The following SPTBN5 variants were observed in gnomAD, a reference collection of about 807,000 sequenced individuals.
The protein encoded by SPTBN5 is spectrin beta, non-erythrocytic 5, also known as spectrin beta chain, non-erythrocytic 5.
In SPTBN5, 513 loss-of-function variants were observed where a neutral mutation model predicts 477.6. The observed-to-expected ratio is 1.07, with a 90% CI of 1.00 to 1.16. SPTBN5 has a LOEUF of 1.16. SPTBN5 is among the 50% of genes most tolerant of loss of function. The pLI is 0.00. For missense variants in SPTBN5, 5,062 were observed against 4,731.8 expected, an observed-to-expected ratio of 1.07 and a Z score of -2.05; for synonymous variants, 2,169 against 2,011.7, an observed-to-expected ratio of 1.08 and a Z score of -2.09.
chr15:41,848,534 G>T lies in SPTBN5; in HGVS notation c.*82C>A. 1.3e-6 allele frequency: 2 copies of T among 1,544,334 alleles called. No individual in the cohort carries two copies. The highest frequency in any genetic ancestry group is 1.8e-6 in the Non-Finnish European group (2 of 1,116,580). ...AGCAGCCACGGGAAGGAGCCCTTTT[G>T]CCTGTAGCTGAGTCTTATTCTGGTC... On this transcript the variant is annotated 3_prime_UTR_variant, in exon 68 of 68. Transcript: ENST00000320955.
intron 20 of SPTBN5, 88 bp downstream of exon 20, chr15:41,876,460 A>G (rs1424698806): frequency 1.5e-6 from 2 of 1,375,370 alleles, no homozygotes; most frequent in Non-Finnish European, 2.0e-6. Flanking sequence ...GCGCGTGAGG[A>G]AAGTGCTCTG....
At position 41,857,361 on chromosome 15, in the gene SPTBN5, T is replaced by G. The variant is rs1286589787; in HGVS notation, c.8498A>C (p.Glu2833Ala). 1 of 1,574,842 alleles carries G rather than the reference T, an allele frequency of 6.3e-7. No homozygotes were observed. Among genetic ancestry groups the G allele is most frequent in the Admixed American group, 1.8e-5 (1 of 54,480 alleles). The change falls in exon 51 of 68, where the codon GAG (glutamate) becomes GCG (alanine). Residue 2833 changes from glutamate to alanine, a missense_variant. By Grantham distance (107) the Glu-to-Ala change is moderately radical. Transcript: ENST00000320955. ...GELLGTQREL[E>A]AAVDKKARQA... ...CCTGGCCTTCTTGTCCACTGCTGCC[T>G]CCAGCTCCCTCTGTGTGCCCAGGAG... is the stretch of plus-strand genomic sequence containing the variant.
At chr15:41,885,265 C>A (rs1256408255) in intron 7 of SPTBN5, among the ~76,000 whole-genome samples, 2 of 152,224 alleles carry the variant, frequency 1.3e-5, no homozygotes, top group Non-Finnish European at 1.5e-5. Context: ...CTCAGGTCAT[C>A]CGCCTGCTAC....
At chr15:41,849,562 C>T (rs998680476) in intron 67 of SPTBN5, among the ~76,000 whole-genome samples, 1 of 152,168 alleles carries the variant, frequency 6.6e-6, no homozygotes, top group Non-Finnish European at 1.5e-5. Context: ...CCTGGCTGCT[C>T]CTCCCACAAG....
intron 66 of SPTBN5, 33 bp from the exon 67 acceptor site, chr15:41,849,992 G>T (rs571831407): frequency 2.6e-6 from 4 of 1,533,110 alleles, no homozygotes; most frequent in East Asian, 2.4e-5. Context: ...CTGTTAGCCC[G>T]GCCCAGACCA....
rs200188290 is a variant in SPTBN5 at position 41,883,366 on chromosome 15, G to C, written c.1641C>G (p.His547Gln). 1 of 1,613,356 alleles carries C rather than the reference G, an allele frequency of 6.2e-7. No homozygotes were observed. The highest frequency in any genetic ancestry group is 1.3e-5 in the African/African-American group (1 of 74,940). Residue 547 changes from histidine (H) to glutamine (Q), a missense_variant, in exon 8 of 68, where the codon CAC becomes CAG. By Grantham distance (24) the His-to-Gln change is conservative. Transcript: ENST00000320955. ...TGCCCACCTGCAGCTCCTCCAGCTGGTGGGAGGCAGCCTCCACCTCCTGCA... is the reference window on the plus strand; with the variant it reads ...TGCCCACCTGCAGCTCCTCCAGCTGCTGGGAGGCAGCCTCCACCTCCTGCA... ...SLLQEVEAAS[H>Q]QLEELQEPAR...
At chr15:41,890,254 G>C (rs2067270422) in intron 3 of SPTBN5, 49 bp from the exon 4 acceptor site, 1 of 1,360,462 alleles carries the variant, frequency 7.4e-7, no homozygotes, top group Non-Finnish European at 1.0e-6. Context: ...TGTCCAGAGA[G>C]GACTCAGTCA....
chr15:41,855,113 A>T, intron 55 of SPTBN5, 111 bp downstream of exon 55: 1 of 1,439,454 alleles, frequency 6.9e-7, no homozygotes, highest in Non-Finnish European at 9.3e-7. Flanking sequence ...CCTCCCTAGG[A>T]CACCCTCTCC....
At chr15:41,893,103 C>T (rs2067364746) in intron 2 of SPTBN5, 42 bp from the exon 3 acceptor site, 1 of 1,555,522 alleles carries the variant, frequency 6.4e-7, no homozygotes, top group African/African-American at 1.4e-5. Context: ...AGCCCAGCCT[C>T]ACCTGTCCTC....
chr15:41,857,676 G>T lies in SPTBN5; in HGVS notation c.8261C>A (p.Ala2754Asp). 2 of 1,584,476 alleles carry T rather than the reference G, an allele frequency of 1.3e-6. No homozygotes were observed. The highest frequency in any genetic ancestry group is 1.7e-6 in the Non-Finnish European group (2 of 1,166,172). Residue 2754 changes from alanine to aspartate, a missense_variant, in exon 50 of 68, where the codon GCC becomes GAC. Ala to Asp is a moderately radical substitution (Grantham distance 126). Coordinates refer to ENST00000320955, the MANE Select transcript of SPTBN5 (RefSeq NM_016642.4). Reference sequence around the variant, plus strand: ...CAGTCGCTCCTGGATGGCCTCCGAGGCTGGGTGGCCCCCCTGCAGCAGCCT... The same window carrying T: ...CAGTCGCTCCTGGATGGCCTCCGAGTCTGGGTGGCCCCCCTGCAGCAGCCT... Reference protein sequence around the residue: ...GQRLLQGGHPASEAIQERLEE... With the variant: ...GQRLLQGGHPDSEAIQERLEE...
Position 41,875,055 on chromosome 15 carries a change from T to A in SPTBN5, c.4289A>T (p.Asp1430Val). Residue 1430 changes from aspartate to valine, a missense_variant and splice_region_variant, in exon 23 of 68, where the codon GAT (aspartate) becomes GTT (valine). Asp to Val is a radical substitution (Grantham distance 152). Coordinates refer to ENST00000320955, the MANE Select transcript of SPTBN5 (RefSeq NM_016642.4). ...GAGCTGCTCCAGCTGCTCCTTTGCA[T>A]CCTGGGAGGGACGCATGGAGCTGCA... is the stretch of plus-strand genomic sequence containing the variant. Reference protein sequence around the residue: ...QQEQLLRQLQDAKEQLEQLEG... With the variant: ...QQEQLLRQLQVAKEQLEQLEG... 6.2e-7 allele frequency: 1 copy of A among 1,609,420 alleles called. No homozygotes were observed. Among genetic ancestry groups the A allele is most frequent in the South Asian group, 1.1e-5 (1 of 90,602 alleles).
At chr15:41,853,484 C>A in intron 58 of SPTBN5, 37 bp from the exon 59 acceptor site, 1 of 1,544,764 alleles carries the variant, frequency 6.5e-7, no homozygotes, top group Non-Finnish European at 8.8e-7. Context: ...TCAGGGCTGG[C>A]TGGGGAGCAG....
rs551527885 is a variant in SPTBN5, at chr15:41,852,502, G to A, written c.10449+132C>T. 1.8e-5 allele frequency: 24 copies of A among 1,301,550 alleles called. 1 individual carries two copies. The East Asian group carries it at 3.5e-4, about 19-fold the overall frequency. The allele number at this position is 1,301,550 out of a possible 1,614,324, so 80.6% of individuals were successfully genotyped here. A position where few individuals can be genotyped will look rare whatever the true frequency, so the allele number is the denominator to read the frequency against. Reference sequence around the variant, plus strand: ...CCACAATGGTGCCTCTCCCACCACCGCAGCTGGCCAGGGAAAGGAGCAGGT... The same window carrying A: ...CCACAATGGTGCCTCTCCCACCACCACAGCTGGCCAGGGAAAGGAGCAGGT... On this transcript the variant is annotated intron_variant, in intron 61 of 67. Transcript: ENST00000320955.
At chr15:41,854,415 G>C (rs1418277457) in intron 56 of SPTBN5, among the ~76,000 whole-genome samples, 1 of 151,944 alleles carries the variant, frequency 6.6e-6, no homozygotes, top group Non-Finnish European at 1.5e-5. Context: ...TGGGGAGGGT[G>C]GGGAGAGGAG....
At position 41,852,778 on chromosome 15, in the gene SPTBN5, G is replaced by A. The variant is rs367708703; in HGVS notation, c.10348-43C>T. 45 of 1,608,166 alleles carry A rather than the reference G, an allele frequency of 2.8e-5. 1 individual carries two copies. The highest frequency in any genetic ancestry group is 4.5e-5 in the East Asian group (2 of 44,888). On this transcript the variant is annotated intron_variant, in intron 60 of 67. Coordinates refer to ENST00000320955, the MANE Select transcript of SPTBN5 (RefSeq NM_016642.4). ...CAGGTGACGCCCAGCTTGGGGGGGGGGGCCCAGAGCCTGGTAGCCAGCTAA... is the reference window on the plus strand; with the variant it reads ...CAGGTGACGCCCAGCTTGGGGGGGGAGGCCCAGAGCCTGGTAGCCAGCTAA...
Position 41,866,497 on chromosome 15 carries a change from G to C in SPTBN5, c.6481-4C>G. The C allele has an allele frequency of 6.4e-7, 1 of 1,555,370 alleles. No homozygotes were observed. The highest frequency in any genetic ancestry group is 8.7e-7 in the Non-Finnish European group (1 of 1,153,470). Reference sequence around the variant, plus strand: ...ACGCCTGGATCCAGTCCTCAGCCTGGTGGGGGTGGGACATGAATGCTGCAA... The same window carrying C: ...ACGCCTGGATCCAGTCCTCAGCCTGCTGGGGGTGGGACATGAATGCTGCAA... On this transcript the variant is annotated splice_region_variant and splice_polypyrimidine_tract_variant and intron_variant, in intron 36 of 67. Coordinates refer to ENST00000320955, the MANE Select transcript of SPTBN5 (RefSeq NM_016642.4).
Position 41,863,653 on chromosome 15 carries a change from C to T in SPTBN5, c.7149+51G>A. The stretch of plus-strand genomic sequence containing the variant: ...GGAGACTCTAGGCAGTGCCCCCTCC[C>T]CTGACTGCATTTGCTCACAGCCCCC... On this transcript the variant is annotated intron_variant, in intron 41 of 67. Transcript: ENST00000320955. 1.4e-6 allele frequency: 2 copies of T among 1,459,966 alleles called. 1 individual carries two copies. Among genetic ancestry groups the T allele is most frequent in the South Asian group, 2.3e-5 (2 of 86,196 alleles). 90.4% of individuals were successfully genotyped at this position (1,459,966 alleles called of 1,614,324 possible).
At chr15:41,864,826 C>T (rs1045222495) in intron 39 of SPTBN5, among the ~76,000 whole-genome samples, 3 of 152,246 alleles carry the variant, frequency 2.0e-5, no homozygotes, top group Non-Finnish European at 4.4e-5. Context: ...GATCTCCTGC[C>T]TCTGGCTTCT....
chr15:41,883,345 C>T lies in SPTBN5; in HGVS notation c.1659+3G>A. 6 of 1,612,796 alleles carry T rather than the reference C, an allele frequency of 3.7e-6. No homozygotes were observed. Among genetic ancestry groups the T allele is most frequent in the Non-Finnish European group, 4.2e-6 (5 of 1,179,654 alleles). ...CCCAAGGGCCTGCTGGTCCAGTGCCCACCTGCAGCTCCTCCAGCTGGTGGG... is the reference window on the plus strand; with the variant it reads ...CCCAAGGGCCTGCTGGTCCAGTGCCTACCTGCAGCTCCTCCAGCTGGTGGG... On this transcript the variant is annotated splice_donor_region_variant and intron_variant, in intron 8 of 67. Transcript: ENST00000320955.
Sources: allele counts gnomAD v4.1 joint callset (sites outside exome capture counted in the v4.1 genomes callset), GRCh38; gene constraint gnomAD v4.1.1; transcripts MANE v1.5; gene names NCBI Gene and HGNC (gene_info 2026-07-23, HGNC 2026-07-21).